Variants in RGS6 observed in about 807,000 individuals in gnomAD.
RGS6 encodes the protein regulator of G protein signaling 6.
Under a neutral mutation model 78.5 loss-of-function variants are expected in RGS6, and 30 were observed. The observed-to-expected ratio is 0.38, with a 90% CI of 0.29 to 0.52. RGS6 has a LOEUF of 0.52. Ranked by LOEUF, RGS6 falls within the 20% of genes least tolerant of loss-of-function variation. The pLI, the probability that RGS6 is intolerant of heterozygous loss-of-function variation, is 0.85. For missense variants in RGS6, 495 were observed against 609.7 expected, an observed-to-expected ratio of 0.81 and a Z score of 1.98; for synonymous variants, 206 against 206.0, an observed-to-expected ratio of 1.00 and a Z score of 0.00.
At chr14:72,333,869 A>G (rs2075518624) in intron 2 of RGS6, among the ~76,000 whole-genome samples, 1 of 152,196 alleles carries the variant, frequency 6.6e-6, no homozygotes, top group Admixed American at 6.5e-5. Flanking sequence ...GGTAACAGGT[A>G]CACACATACG....
the RGS6 span, among the ~76,000 whole-genome samples, chr14:72,604,591 A>G: frequency 6.6e-6 from 1 of 152,160 alleles, no homozygotes; most frequent in Admixed American, 6.5e-5. Context: ...AGTTGTGTCC[A>G]TCAAAATGGC....
In RGS6 at chr14:72,262,955, T is replaced by G. The variant is rs150172329; in HGVS notation, c.85-89140T>G. On this transcript the variant is annotated intron_variant, in intron 2 of 17. Transcript: ENST00000553525. ...TTGATTACCTGGGGCAGCTCCAGGC[T>G]GATCTGGCCCTTAGAATTTGCAGCT... is the stretch of plus-strand genomic sequence containing the variant. Among the ~76,000 whole-genome samples the G allele has an allele frequency of 4.9e-4, 75 of 152,290 alleles. 2 individuals are homozygous for G. In the East Asian group the frequency reaches 0.014, roughly 28 times the overall value.
At chr14:72,598,874 C>A in the RGS6 span, among the ~76,000 whole-genome samples, 1 of 152,252 alleles carries the variant, frequency 6.6e-6, no homozygotes, top group Non-Finnish European at 1.5e-5. Flanking sequence ...TTAGACTGAG[C>A]CCATTCTGGG....
At chr14:72,216,222 A>C (rs1179141617) in intron 2 of RGS6, among the ~76,000 whole-genome samples, 1 of 152,226 alleles carries the variant, frequency 6.6e-6, no homozygotes, top group Non-Finnish European at 1.5e-5. Context: ...GACATGCTGC[A>C]TGCCTCACTT....
rs1038785247 is a variant in RGS6, at chr14:72,329,283, G to A, written c.85-22812G>A. 1.8e-4 allele frequency among the ~76,000 whole-genome samples: 27 copies of A among 152,204 alleles called. 1 individual carries two copies. Among genetic ancestry groups the A allele is most frequent in the Admixed American group, 1.2e-3 (18 of 15,284 alleles). ...GCACATGCATGAACACATGCTTCACGGCGCTTCTTATTAATCCTTATTGGG... is the reference window on the plus strand; with the variant it reads ...GCACATGCATGAACACATGCTTCACAGCGCTTCTTATTAATCCTTATTGGG... On this transcript the variant is annotated intron_variant, in intron 2 of 17. Transcript: ENST00000553525.
At chr14:71,909,449 G>A in the RGS6 span, among the ~76,000 whole-genome samples, 21 of 152,154 alleles carry the variant, frequency 1.4e-4, no homozygotes, top group African/African-American at 4.8e-4. Flanking sequence ...ATGTGTGAGA[G>A]ACAGACAGAG....
the RGS6 span, among the ~76,000 whole-genome samples, chr14:72,610,704 G>A: frequency 6.6e-6 from 1 of 152,200 alleles, no homozygotes; most frequent in Admixed American, 6.5e-5. Context: ...CTGAGAGCGC[G>A]CTCAAGGGCA....
intron 3 of RGS6, among the ~76,000 whole-genome samples, chr14:72,354,453 C>T (rs2079814234): frequency 1.4e-5 from 2 of 144,640 alleles, no homozygotes; most frequent in South Asian, 2.3e-4. Context: ...TGGCAAAACC[C>T]TGTCTCTACT....
At chr14:72,339,541 G>A (rs114022092) in intron 2 of RGS6, among the ~76,000 whole-genome samples, 2,009 of 152,268 alleles carry the variant, frequency 0.013, 35 homozygotes, top group African/African-American at 0.046. Context: ...AGCCAATTTA[G>A]AAAGACTAGG....
At chr14:71,981,820 C>T (rs1441098805) in intron 2 of RGS6, among the ~76,000 whole-genome samples, 6 of 149,094 alleles carry the variant, frequency 4.0e-5, no homozygotes, top group East Asian at 2.0e-4. Context: ...CCACCCAGTT[C>T]GAGCTTCCCG....
chr14:72,557,335 T>A (rs1349172774), intron 17 of RGS6, among the ~76,000 whole-genome samples: 1 of 152,228 alleles, frequency 6.6e-6, no homozygotes, highest in African/African-American at 2.4e-5. Context: ...GTTTTAGACA[T>A]CATTGAGGAA....
At chr14:72,562,367 C>T (rs1261504163) in intron 17 of RGS6, 50 bp from the exon 18 acceptor site, 4 of 1,571,066 alleles carry the variant, frequency 2.5e-6, no homozygotes, top group Non-Finnish European at 3.5e-6. Context: ...CTGTCTCTGT[C>T]CCTCTGTGTG....
intron 2 of RGS6, among the ~76,000 whole-genome samples, chr14:72,215,520 G>A (rs1316058345): frequency 6.6e-6 from 1 of 152,198 alleles, no homozygotes; most frequent in African/African-American, 2.4e-5. Flanking sequence ...CCAAACAAAA[G>A]AGGCAGGGTC....
At chr14:72,364,081 A>T (rs1254286068) in intron 3 of RGS6, among the ~76,000 whole-genome samples, 1 of 151,572 alleles carries the variant, frequency 6.6e-6, no homozygotes, top group Non-Finnish European at 1.5e-5. Context: ...TAACATCAGC[A>T]GACTTTTCTA....
intron 2 of RGS6, among the ~76,000 whole-genome samples, chr14:72,184,727 TTTA>T (rs2097217098): frequency 6.6e-6 from 1 of 152,180 alleles, no homozygotes; most frequent in African/African-American, 2.4e-5. Context: ...CTTGGCAAAG[TTTA>T]TTATTTGCTT....
chr14:72,584,794 T>C, the RGS6 span, among the ~76,000 whole-genome samples: 14 of 152,216 alleles, frequency 9.2e-5, no homozygotes. Context: ...ACCAGGACTA[T>C]GCTTAATATT....
At chr14:72,558,602 G>T (rs1226623874) in intron 17 of RGS6, among the ~76,000 whole-genome samples, 1 of 152,200 alleles carries the variant, frequency 6.6e-6, no homozygotes, top group Non-Finnish European at 1.5e-5. Context: ...GAAAACAAAG[G>T]ATTCCATGAC....
intron 3 of RGS6, among the ~76,000 whole-genome samples, chr14:72,413,179 C>T (rs527604898): frequency 2.0e-5 from 3 of 152,246 alleles, no homozygotes; most frequent in African/African-American, 7.2e-5. Flanking sequence ...GTTAAAGTCT[C>T]CCATTATTAT....
intron 2 of RGS6, among the ~76,000 whole-genome samples, chr14:72,047,219 T>C (rs2092918929): frequency 6.6e-6 from 1 of 152,210 alleles, no homozygotes; most frequent in African/African-American, 2.4e-5. Flanking sequence ...CATCTGGAAT[T>C]GTCTCCTAGC....
Sources: allele counts gnomAD v4.1 joint callset (sites outside exome capture counted in the v4.1 genomes callset), GRCh38; gene constraint gnomAD v4.1.1; transcripts MANE v1.5; gene names NCBI Gene and HGNC (gene_info 2026-07-23, HGNC 2026-07-21).